Variants in LINGO2 observed in about 807,000 individuals in gnomAD.
The protein encoded by LINGO2 is leucine-rich repeat and immunoglobulin-like domain-containing nogo receptor-interacting protein 2.
LINGO2 carries 14 observed loss-of-function variants against 30.6 expected under a neutral mutation model. That is an observed-to-expected ratio of 0.46 (90% CI 0.30 to 0.72). The LOEUF (loss-of-function observed/expected upper bound fraction) is 0.72, where lower values mean the gene tolerates loss of function less well. Among genes scored for constraint, LINGO2 ranks in the 30% least tolerant of loss-of-function variants. The pLI is 0.07. For synonymous variants in LINGO2, 317 were observed against 288.5 expected (o/e 1.10, Z -1.00); for missense variants, 729 against 751.7 (o/e 0.97, Z 0.35).
intron 1 of LINGO2, among the ~76,000 whole-genome samples, chr9:28,479,385 T>C (rs1033498463): frequency 2.6e-5 from 4 of 152,000 alleles, no homozygotes; most frequent in Admixed American, 6.6e-5. Flanking sequence ...TTGTATTATA[T>C]ACTTTATTAA....
downstream of LINGO2, among the ~76,000 whole-genome samples, chr9:27,947,078 A>G (rs141240253): frequency 3.9e-3 from 593 of 152,294 alleles, 3 homozygotes; most frequent in African/African-American, 0.014. Flanking sequence ...CATGTTATTA[A>G]AAACATGACC....
At chr9:28,390,582 A>T (rs932898975) in intron 2 of LINGO2, among the ~76,000 whole-genome samples, 7 of 151,782 alleles carry the variant, frequency 4.6e-5, no homozygotes, top group African/African-American at 1.7e-4. Context: ...ATGAAAAAAA[A>T]AAAAGAGAAA....
the LINGO2 span, among the ~76,000 whole-genome samples, chr9:29,149,390 G>C: frequency 6.6e-6 from 1 of 151,992 alleles, no homozygotes; most frequent in East Asian, 1.9e-4. Context: ...CTCCCACAGA[G>C]AGATCAAAAT....
chr9:28,427,947 A>G (rs958068845), intron 2 of LINGO2, among the ~76,000 whole-genome samples: 8 of 152,154 alleles, frequency 5.3e-5, no homozygotes, highest in African/African-American at 1.9e-4. Context: ...AAATCATCAA[A>G]TTACATTCTA....
chr9:29,103,144 C>G, the LINGO2 span, among the ~76,000 whole-genome samples: 1 of 152,132 alleles, frequency 6.6e-6, no homozygotes, highest in Admixed American at 6.6e-5. Context: ...CACAGCACCA[C>G]CACCAGCCCA....
chr9:28,171,794 G>A (rs935339227), intron 4 of LINGO2, among the ~76,000 whole-genome samples: 1 of 150,614 alleles, frequency 6.6e-6, no homozygotes, highest in South Asian at 2.1e-4. Context: ...GGATCACGAG[G>A]TCAGGAGATG....
At chr9:28,806,040 C>T in the LINGO2 span, among the ~76,000 whole-genome samples, 1 of 152,108 alleles carries the variant, frequency 6.6e-6, no homozygotes, top group East Asian at 1.9e-4. Context: ...GTATCTTCTT[C>T]CAATTCTTTT....
intron 2 of LINGO2, among the ~76,000 whole-genome samples, chr9:28,473,170 G>C (rs1414373912): frequency 1.3e-5 from 2 of 149,960 alleles, no homozygotes; most frequent in Admixed American, 6.8e-5. Context: ...CAAGTGACAA[G>C]ATTGACCATT....
intron 4 of LINGO2, among the ~76,000 whole-genome samples, chr9:28,214,745 C>T (rs574490424): frequency 5.9e-5 from 9 of 151,766 alleles, no homozygotes; most frequent in Admixed American, 5.3e-4. Context: ...AGTGTAAATT[C>T]ATGCTCTGCA....
downstream of LINGO2, among the ~76,000 whole-genome samples, chr9:27,945,429 T>C (rs1217292053): frequency 6.6e-6 from 1 of 152,162 alleles, no homozygotes; most frequent in Admixed American, 6.6e-5. Context: ...CTAAATACTG[T>C]AGGGCAACTT....
the LINGO2 span, among the ~76,000 whole-genome samples, chr9:29,096,585 C>A: frequency 3.6e-4 from 51 of 140,746 alleles, 9 homozygotes; most frequent in African/African-American, 1.2e-3. Context: ...CATGGCCAGC[C>A]TCTACATTCT....
the LINGO2 span, among the ~76,000 whole-genome samples, chr9:28,973,123 G>A: frequency 7.9e-5 from 12 of 152,112 alleles, no homozygotes; most frequent in South Asian, 2.1e-3. Flanking sequence ...GTTTTTTCAA[G>A]GAAATAATAA....
At chr9:29,086,951 T>C in the LINGO2 span, among the ~76,000 whole-genome samples, 1 of 151,324 alleles carries the variant, frequency 6.6e-6, no homozygotes, top group African/African-American at 2.4e-5. Context: ...GCACAATCTC[T>C]GCTCACTGCA....
chr9:28,650,286 C>A (rs933189060), intron 1 of LINGO2, among the ~76,000 whole-genome samples: 4 of 152,084 alleles, frequency 2.6e-5, no homozygotes, highest in Non-Finnish European at 5.9e-5. Context: ...TCTTTCCTAA[C>A]CTAAGAAAGC....
In LINGO2 at chr9:28,172,021, A is replaced by AC. The variant is rs1564016769; in HGVS notation, c.-87+123186_-87+123187insG. 3.0e-3 allele frequency among the ~76,000 whole-genome samples: 267 copies of AC among 88,632 alleles called. 2 individuals carry two copies. Among genetic ancestry groups the AC allele is most frequent in the African/African-American group, 0.015 (258 of 17,098 alleles). The allele number at this position is 88,632 out of a possible 152,430, so 58.1% of individuals were successfully genotyped here. A position where few individuals can be genotyped will look rare whatever the true frequency, so the allele number is the denominator to read the frequency against. On this transcript the variant is annotated intron_variant, in intron 4 of 5. Coordinates refer to ENST00000379992, the Ensembl canonical transcript of LINGO2. ...GACAGAGCAAGACTCCGTCTCAAAA[A>AC]AAAAAAAAAAAACAAAAAAAAAAAC...
chr9:28,141,048 A>G (rs894057631), intron 4 of LINGO2, among the ~76,000 whole-genome samples: 1 of 152,096 alleles, frequency 6.6e-6, no homozygotes, highest in Non-Finnish European at 1.5e-5. Context: ...GTGATGTTCA[A>G]ATTAACATTT....
the LINGO2 span, among the ~76,000 whole-genome samples, chr9:28,821,649 C>A: frequency 6.6e-6 from 1 of 152,132 alleles, no homozygotes; most frequent in Admixed American, 6.5e-5. Context: ...GGCTTCATAA[C>A]AATAAATTAC....
At chr9:28,037,472 T>TAAA (rs60891119) in intron 4 of LINGO2, among the ~76,000 whole-genome samples, 12 of 151,568 alleles carry the variant, frequency 7.9e-5, no homozygotes, top group Admixed American at 1.3e-4. Flanking sequence ...CTGTCTCCTT[T>TAAA]AAAAAAAAAG....
the LINGO2 span, among the ~76,000 whole-genome samples, chr9:28,903,628 G>A: frequency 6.6e-6 from 1 of 152,022 alleles, no homozygotes; most frequent in Middle Eastern, 3.2e-3. Flanking sequence ...GGTGCCTCCT[G>A]CTACCATGCT....
Sources: allele counts gnomAD v4.1 joint callset (sites outside exome capture counted in the v4.1 genomes callset), GRCh38; gene constraint gnomAD v4.1.1; transcripts MANE v1.5; gene names NCBI Gene and HGNC (gene_info 2026-07-23, HGNC 2026-07-21).